KCNK12: variants seen among roughly 807,000 people sequenced by gnomAD.
KCNK12 encodes the protein potassium two pore domain channel subfamily K member 12.
Under a neutral mutation model 25.3 loss-of-function variants are expected in KCNK12, and 6 were observed. The ratio of observed to expected loss-of-function variants is 0.24; its 90% CI spans 0.13 to 0.47. The LOEUF is 0.47. Among genes scored for constraint, KCNK12 ranks in the 20% least tolerant of loss-of-function variants. The pLI is 0.99. For missense variants in KCNK12, 444 were observed against 661.7 expected (o/e 0.67, Z 3.61); for synonymous variants, 331 against 311.1 (o/e 1.06, Z -0.67).
intron 1 of KCNK12, among the ~76,000 whole-genome samples, chr2:47,535,421 C>A (rs376442216): frequency 1.3e-5 from 2 of 152,030 alleles, no homozygotes; most frequent in Admixed American, 1.3e-4. Flanking sequence ...CACTGGACTG[C>A]GGCTGAGGGG....
At position 47,569,376 on chromosome 2, in the gene KCNK12, G is replaced by T. The variant is rs551490965; in HGVS notation, c.391+565C>A. The stretch of plus-strand genomic sequence containing the variant: ...CCTCAGGCTAACGGGCTTTACTTTG[G>T]GGGGCGGTATAGACTGTAGGAGAAG... On this transcript the variant is annotated intron_variant, in intron 1 of 1. Coordinates refer to ENST00000327876, the MANE Select transcript of KCNK12 (RefSeq NM_022055.2). The surrounding 1 kb of genome is among the most constrained non-coding windows in gnomAD (Gnocchi z 4.1). Among the ~76,000 whole-genome samples the T allele has an allele frequency of 2.0e-5, 3 of 152,138 alleles. No individual in the cohort carries two copies. The highest frequency in any genetic ancestry group is 2.1e-4 in the South Asian group (1 of 4,820).
rs113177707 is a variant in KCNK12, at chr2:47,509,831, C to T, written c.*11076G>A. Among the ~76,000 whole-genome samples, 1 of 152,198 alleles carries T rather than the reference C, an allele frequency of 6.6e-6. No individual in the cohort carries two copies. The highest frequency in any genetic ancestry group is 1.5e-5 in the Non-Finnish European group (1 of 68,046). ...TTGTGTAAGGCCAGGGGACTTCCCC[C>T]CCACTCCCCAACCTGAGGCATGCAC... On this transcript the variant is annotated 3_prime_UTR_variant, in exon 2 of 2. Transcript: ENST00000327876.
At position 47,515,814 on chromosome 2, in the gene KCNK12, G is replaced by T. The variant is rs1481231724; in HGVS notation, c.*5093C>A. On this transcript the variant is annotated 3_prime_UTR_variant, in exon 2 of 2. Transcript: ENST00000327876. The stretch of plus-strand genomic sequence containing the variant: ...CAAGTAAGCTGCTTCTGAAAAGAAG[G>T]GGTTTGCAAAGCCAACCCAGGCAAA... 1.3e-5 allele frequency among the ~76,000 whole-genome samples: 2 copies of T among 152,134 alleles called. No individual in the cohort carries two copies. The highest frequency in any genetic ancestry group is 4.8e-5 in the African/African-American group (2 of 41,432).
At position 47,511,593 on chromosome 2, in the gene KCNK12, G is replaced by T. The variant is rs1230843294; in HGVS notation, c.*9314C>A. ...GTAACCAAATGCTTTTGCCCTGGGG[G>T]TGGGAGAGGGATGGGTGCACGGTGA... On this transcript the variant is annotated 3_prime_UTR_variant, in exon 2 of 2. Coordinates refer to ENST00000327876, the MANE Select transcript of KCNK12 (RefSeq NM_022055.2). The surrounding 1 kb of genome is among the most constrained non-coding windows in gnomAD (Gnocchi z 4.3). 3.3e-5 allele frequency among the ~76,000 whole-genome samples: 5 copies of T among 152,208 alleles called. No homozygotes were observed. The highest frequency in any genetic ancestry group is 1.2e-4 in the African/African-American group (5 of 41,444).
At position 47,564,246 on chromosome 2, in the gene KCNK12, C is replaced by G. The variant is rs1317225795; in HGVS notation, c.391+5695G>C. On this transcript the variant is annotated intron_variant, in intron 1 of 1. Coordinates refer to ENST00000327876, the MANE Select transcript of KCNK12 (RefSeq NM_022055.2). The stretch of plus-strand genomic sequence containing the variant: ...CCTAGGCTTTGTAGAGGCATAGGCT[C>G]AGATACAAAGAGACCAGACAGTCTC... The G allele has an allele frequency of 1.9e-4, 43 of 230,548 alleles. 1 individual carries two copies. The highest frequency in any genetic ancestry group is 1.5e-3 in the East Asian group (25 of 16,308). 14.3% of individuals were successfully genotyped at this position (230,548 alleles called of 1,614,324 possible).
Position 47,556,769 on chromosome 2 carries a change from G to C in KCNK12, c.391+13172C>G, listed in dbSNP as rs1487907343. Among the ~76,000 whole-genome samples, 1 of 152,174 alleles carries C rather than the reference G, an allele frequency of 6.6e-6. No individual in the cohort carries two copies. Among genetic ancestry groups the C allele is most frequent in the South Asian group, 2.1e-4 (1 of 4,824 alleles). ...GGAAAAATAAGAGTGGGAGTGTAAA[G>C]GACCTGTAGGTCTTACAGCCAAAGG... On this transcript the variant is annotated intron_variant, in intron 1 of 1. Coordinates refer to ENST00000327876, the MANE Select transcript of KCNK12 (RefSeq NM_022055.2). The surrounding 1 kb of genome is among the most constrained non-coding windows in gnomAD (Gnocchi z 4.8).
At chr2:47,567,101 C>G (rs1669800075) in intron 1 of KCNK12, 1 of 152,194 alleles carries the variant, frequency 6.6e-6, no homozygotes, top group Non-Finnish European at 1.5e-5. Context: ...ATACTAAAGT[C>G]TAGATGAATC....
At chr2:47,545,294 G>C (rs1209528603) in intron 1 of KCNK12, among the ~76,000 whole-genome samples, 1 of 152,174 alleles carries the variant, frequency 6.6e-6, no homozygotes, top group Non-Finnish European at 1.5e-5. Flanking sequence ...AATGAAGACT[G>C]GAGGGACAGT....
At chr2:47,567,240 T>TA (rs1669802756) in intron 1 of KCNK12, 1 of 152,246 alleles carries the variant, frequency 6.6e-6, no homozygotes, top group Non-Finnish European at 1.5e-5. Flanking sequence ...TACACTGTGA[T>TA]ACTCACTCAT....
rs1669688650 is a variant in KCNK12, at chr2:47,562,300, C to T, written c.391+7641G>A. ...CTGTTGAGTATAAAGACACTGTGAACATTGTAAAATCTGCAATTACAAGAT... is the reference window on the plus strand; with the variant it reads ...CTGTTGAGTATAAAGACACTGTGAATATTGTAAAATCTGCAATTACAAGAT... On this transcript the variant is annotated intron_variant, in intron 1 of 1. Transcript: ENST00000327876. This position sits in a 1 kb window ranked among gnomAD's most constrained non-coding sequence, Gnocchi z 4.8. 2.5e-6 allele frequency: 1 copy of T among 394,368 alleles called. No individual in the cohort carries two copies. The highest frequency in any genetic ancestry group is 4.5e-6 in the Non-Finnish European group (1 of 223,976). 24.4% of individuals were successfully genotyped at this position (394,368 alleles called of 1,614,324 possible). A position where few individuals can be genotyped will look rare whatever the true frequency, so the allele number is the denominator to read the frequency against.
Position 47,540,976 on chromosome 2 carries a change from A to G in KCNK12, c.392-19168T>C, listed in dbSNP as rs928026459. Among the ~76,000 whole-genome samples, 22 of 152,184 alleles carry G rather than the reference A, an allele frequency of 1.4e-4. No individual in the cohort carries two copies. Among genetic ancestry groups the G allele is most frequent in the Admixed American group, 9.8e-4 (15 of 15,282 alleles). ...ATAAATCAGTAAGATCCATCTGTGCAATTCCTTCCTCCTAGAATTCAGAAT... is the reference window on the plus strand; with the variant it reads ...ATAAATCAGTAAGATCCATCTGTGCGATTCCTTCCTCCTAGAATTCAGAAT... On this transcript the variant is annotated intron_variant, in intron 1 of 1. Coordinates refer to ENST00000327876, the MANE Select transcript of KCNK12 (RefSeq NM_022055.2). The surrounding 1 kb of genome is among the most constrained non-coding windows in gnomAD (Gnocchi z 5.4).
intron 1 of KCNK12, 71 bp from the exon 2 acceptor site, chr2:47,521,879 TGTGGGGGCGGGGGC>T: frequency 3.1e-6 from 1 of 327,716 alleles, no homozygotes; most frequent in Non-Finnish European, 4.8e-6. Flanking sequence ...GGGTGGGGGG[TGTGGGGGCGGGGGC>T]ATGCAGGTGC....
chr2:47,555,582 T>C lies in KCNK12; in HGVS notation c.391+14359A>G, dbSNP rs1669535515. On this transcript the variant is annotated intron_variant, in intron 1 of 1. Transcript: ENST00000327876. The surrounding 1 kb of genome is among the most constrained non-coding windows in gnomAD (Gnocchi z 4.5). ...CATTACTTCACAATTTATCACTCTT[T>C]GTTAAAATGGTATACAACTTCTTTT... Among the ~76,000 whole-genome samples, 3 of 152,246 alleles carry C rather than the reference T, an allele frequency of 2.0e-5. No homozygotes were observed. Among genetic ancestry groups the C allele is most frequent in the Admixed American group, 6.5e-5 (1 of 15,290 alleles).
In KCNK12 at chr2:47,569,906, A is replaced by C; in HGVS notation, c.391+35T>G. On this transcript the variant is annotated intron_variant, in intron 1 of 1. Coordinates refer to ENST00000327876, the MANE Select transcript of KCNK12 (RefSeq NM_022055.2). This position sits in a 1 kb window ranked among gnomAD's most constrained non-coding sequence, Gnocchi z 4.1. Reference sequence around the variant, plus strand: ...GGAAAGGGCGGCAGGTGAAAGGCACAGAGAGGAAAGATGCGCGGGGGACGC... The same window carrying C: ...GGAAAGGGCGGCAGGTGAAAGGCACCGAGAGGAAAGATGCGCGGGGGACGC... 1 of 1,324,142 alleles carries C rather than the reference A, an allele frequency of 7.6e-7. No individual in the cohort carries two copies. The highest frequency in any genetic ancestry group is 1.5e-5 in the African/African-American group (1 of 64,888). 82.0% of individuals were successfully genotyped at this position (1,324,142 alleles called of 1,614,324 possible).
At chr2:47,552,161 G>A (rs1669448422) in intron 1 of KCNK12, among the ~76,000 whole-genome samples, 1 of 152,204 alleles carries the variant, frequency 6.6e-6, no homozygotes, top group Non-Finnish European at 1.5e-5. Flanking sequence ...AAGCAAGAAT[G>A]TAGATGGAAG....
In KCNK12 at chr2:47,511,201, G is replaced by C. The variant is rs767145938; in HGVS notation, c.*9706C>G. Among the ~76,000 whole-genome samples, 2 of 152,208 alleles carry C rather than the reference G, an allele frequency of 1.3e-5. No individual in the cohort carries two copies. The highest frequency in any genetic ancestry group is 2.4e-5 in the African/African-American group (1 of 41,446). ...TGCTTGAATTAGCTAGTGAATTGCTGTGTGGCCTCCTTACTGAGCCTCATT... is the reference window on the plus strand; with the variant it reads ...TGCTTGAATTAGCTAGTGAATTGCTCTGTGGCCTCCTTACTGAGCCTCATT... On this transcript the variant is annotated 3_prime_UTR_variant, in exon 2 of 2. Transcript: ENST00000327876. This position sits in a 1 kb window ranked among gnomAD's most constrained non-coding sequence, Gnocchi z 4.3.
In KCNK12 at chr2:47,509,798, C is replaced by G. The variant is rs929917085; in HGVS notation, c.*11109G>C. ...AAGACAAGAAAGGGCTACTCCACCCCCTCCAATTTGTGTAAGGCCAGGGGA... is the reference window on the plus strand; with the variant it reads ...AAGACAAGAAAGGGCTACTCCACCCGCTCCAATTTGTGTAAGGCCAGGGGA... On this transcript the variant is annotated 3_prime_UTR_variant, in exon 2 of 2. Coordinates refer to ENST00000327876, the MANE Select transcript of KCNK12 (RefSeq NM_022055.2). 9.2e-5 allele frequency among the ~76,000 whole-genome samples: 14 copies of G among 152,360 alleles called. No individual in the cohort carries two copies. The highest frequency in any genetic ancestry group is 2.9e-4 in the African/African-American group (12 of 41,586).
At chr2:47,553,893 A>G (rs1053113934) in intron 1 of KCNK12, among the ~76,000 whole-genome samples, 3 of 152,242 alleles carry the variant, frequency 2.0e-5, no homozygotes, top group Non-Finnish European at 4.4e-5. Context: ...GGCATCAGAC[A>G]TACTGGAAAG....
rs1016123857 is a variant in KCNK12 at position 47,565,471 on chromosome 2, A to G, written c.391+4470T>C. 2.6e-5 allele frequency: 4 copies of G among 152,244 alleles called. No homozygotes were observed. The highest frequency in any genetic ancestry group is 9.6e-5 in the African/African-American group (4 of 41,460). The allele number at this position is 152,244 out of a possible 1,614,324, so 9.4% of individuals were successfully genotyped here. Reference sequence around the variant, plus strand: ...GTAGCAAGCTAAATTATGCAGTGCCAAAAGTGACAACTCTTATACCTACAC... The same window carrying G: ...GTAGCAAGCTAAATTATGCAGTGCCGAAAGTGACAACTCTTATACCTACAC... On this transcript the variant is annotated intron_variant, in intron 1 of 1. Coordinates refer to ENST00000327876, the MANE Select transcript of KCNK12 (RefSeq NM_022055.2). The surrounding 1 kb of genome is among the most constrained non-coding windows in gnomAD (Gnocchi z 5.0).
Sources: allele counts gnomAD v4.1 joint callset (sites outside exome capture counted in the v4.1 genomes callset), GRCh38; gene constraint gnomAD v4.1.1; non-coding constraint Gnocchi (gnomAD v3.1); transcripts MANE v1.5; gene names NCBI Gene and HGNC (gene_info 2026-07-23, HGNC 2026-07-21).